OXR1: variants seen among roughly 807,000 people sequenced by gnomAD.
OXR1 encodes the protein oxidation resistance 1, also known as oxidation resistance protein 1.
In OXR1, 41 loss-of-function variants were observed where a neutral mutation model predicts 104.6. The ratio of observed to expected loss-of-function variants is 0.39; its 90% CI spans 0.31 to 0.51. OXR1 has a LOEUF of 0.51. Among genes scored for constraint, OXR1 ranks in the 20% least tolerant of loss-of-function variants. The pLI is 0.77. For missense variants in OXR1, 955 were observed against 1,031.9 expected (o/e 0.93, Z 1.02); for synonymous variants, 348 against 348.4 (o/e 1.00, Z 0.01).
At position 106,752,526 on chromosome 8, in the gene OXR1, TA is replaced by T. The variant is rs1371843234; in HGVS notation, c.*1586del. The T allele has an allele frequency of 2.0e-5, 3 of 152,498 alleles. No homozygotes were observed. The highest frequency in any genetic ancestry group is 6.5e-5 in the Admixed American group (1 of 15,268). The allele number at this position is 152,498 out of a possible 1,614,324, so 9.4% of individuals were successfully genotyped here. On this transcript the variant is annotated 3_prime_UTR_variant, in exon 17 of 17. Transcript: ENST00000517566. ...ATATATAGATTAAATGTTTACAATA[TA>T]GGGAATTGTAAATAAATATATCAGT...
chr8:106,747,696 G>A (rs1807644601), intron 16 of OXR1, among the ~76,000 whole-genome samples: 1 of 152,172 alleles, frequency 6.6e-6, no homozygotes, highest in Non-Finnish European at 1.5e-5. Context: ...CTGATGAAAT[G>A]CAGAGGTACC....
chr8:106,691,975 G>GTATATA (rs1554621712), intron 6 of OXR1, among the ~76,000 whole-genome samples: 1 of 142,546 alleles, frequency 7.0e-6, no homozygotes, highest in Non-Finnish European at 1.5e-5. Flanking sequence ...GTGTGTGTGT[G>GTATATA]TCTATATATA....
chr8:106,612,185 A>C (rs1039657664), intron 3 of OXR1, among the ~76,000 whole-genome samples: 1 of 151,936 alleles, frequency 6.6e-6, no homozygotes, highest in Admixed American at 6.6e-5. Context: ...AAAAAATATT[A>C]TTCTGATAGG....
At chr8:106,535,388 C>A (rs998993825) in intron 3 of OXR1, among the ~76,000 whole-genome samples, 2 of 152,166 alleles carry the variant, frequency 1.3e-5, no homozygotes, top group African/African-American at 4.8e-5. Context: ...CCCTACTCCC[C>A]CTCTGGAAAG....
At chr8:106,417,885 G>A (rs566124271) in intron 2 of OXR1, among the ~76,000 whole-genome samples, 1 of 152,294 alleles carries the variant, frequency 6.6e-6, no homozygotes, top group Admixed American at 6.5e-5. Flanking sequence ...GGAAAGTGCA[G>A]TATCCTCAGG....
chr8:106,317,717 C>T (rs1486306254), intron 1 of OXR1, among the ~76,000 whole-genome samples: 3 of 151,480 alleles, frequency 2.0e-5, no homozygotes, highest in Admixed American at 1.3e-4. Context: ...ACTGACATAG[C>T]AGGATGCTTC....
chr8:106,658,453 C>T (rs1451880798), intron 3 of OXR1, among the ~76,000 whole-genome samples: 3 of 152,316 alleles, frequency 2.0e-5, no homozygotes, highest in East Asian at 1.9e-4. Flanking sequence ...TTTCTTTCCC[C>T]GCCAAGTATT....
intron 11 of OXR1, among the ~76,000 whole-genome samples, chr8:106,730,459 G>T (rs964150225): frequency 2.6e-5 from 4 of 151,704 alleles, no homozygotes; most frequent in African/African-American, 9.7e-5. Context: ...TTTGCAGAGT[G>T]TCATATAGTT....
At chr8:106,441,778 CTT>C (rs1266386355) in intron 2 of OXR1, among the ~76,000 whole-genome samples, 3 of 152,172 alleles carry the variant, frequency 2.0e-5, no homozygotes, top group African/African-American at 7.2e-5. Flanking sequence ...TATCCTGAGA[CTT>C]TGCTGAAGTT....
chr8:106,296,762 G>T (rs1813014918), intron 1 of OXR1, among the ~76,000 whole-genome samples: 1 of 152,192 alleles, frequency 6.6e-6, no homozygotes, highest in African/African-American at 2.4e-5. Flanking sequence ...TGTATCAAAG[G>T]CTGAGGCAGG....
At chr8:106,454,174 T>G (rs1044772700) in intron 2 of OXR1, among the ~76,000 whole-genome samples, 5 of 151,388 alleles carry the variant, frequency 3.3e-5, no homozygotes, top group Non-Finnish European at 7.4e-5. Context: ...CACACAGTAT[T>G]CTCCATTTCA....
At chr8:106,594,776 G>A (rs554751713) in intron 3 of OXR1, among the ~76,000 whole-genome samples, 317 of 152,308 alleles carry the variant, frequency 2.1e-3, no homozygotes, top group African/African-American at 7.1e-3. Flanking sequence ...TAGCAGAGTG[G>A]GCACAAATGA....
At chr8:106,505,990 C>T (rs1443855817) in intron 2 of OXR1, among the ~76,000 whole-genome samples, 4 of 151,846 alleles carry the variant, frequency 2.6e-5, no homozygotes, top group Admixed American at 6.6e-5. Flanking sequence ...TGGTAACAGT[C>T]GAGAGAAATG....
At chr8:106,443,247 A>G (rs1161409981) in intron 2 of OXR1, among the ~76,000 whole-genome samples, 1 of 151,976 alleles carries the variant, frequency 6.6e-6, no homozygotes, top group Non-Finnish European at 1.5e-5. Flanking sequence ...TTCTAATTTC[A>G]TGGCACTGTT....
intron 1 of OXR1, 72 bp from the exon 2 acceptor site, chr8:106,359,404 G>A: frequency 1.9e-6 from 1 of 521,400 alleles, no homozygotes; most frequent in African/African-American, 1.9e-5. Flanking sequence ...CCATTGATTT[G>A]GATGAAATAA....
At chr8:106,504,453 C>T (rs17341272) in intron 2 of OXR1, among the ~76,000 whole-genome samples, 11,807 of 152,170 alleles carry the variant, frequency 0.078, 586 homozygotes, top group Middle Eastern at 0.14. Flanking sequence ...TTACTATGTG[C>T]CTGGCAGAAT....
At chr8:106,676,810 C>T (rs939495228) in intron 3 of OXR1, among the ~76,000 whole-genome samples, 14 of 152,044 alleles carry the variant, frequency 9.2e-5, no homozygotes, top group Non-Finnish European at 5.9e-5. Context: ...TGTGAATAAA[C>T]ATTTTAATAT....
At chr8:106,447,896 G>T (rs898197385) in intron 2 of OXR1, 1 of 1,504,330 alleles carries the variant, frequency 6.6e-7, no homozygotes, top group Admixed American at 2.1e-5. Context: ...CAACAGCCGG[G>T]CTCCTGGCGG....
At chr8:106,352,886 T>G (rs949648258) in intron 1 of OXR1, among the ~76,000 whole-genome samples, 2 of 152,220 alleles carry the variant, frequency 1.3e-5, no homozygotes. Flanking sequence ...TTGATTTTAC[T>G]CTATAAGCAT....
Sources: allele counts gnomAD v4.1 joint callset (sites outside exome capture counted in the v4.1 genomes callset), GRCh38; gene constraint gnomAD v4.1.1; transcripts MANE v1.5; gene names NCBI Gene and HGNC (gene_info 2026-07-23, HGNC 2026-07-21).